The following LMNTD1 variants were observed in gnomAD, a reference collection of about 807,000 sequenced individuals.
LMNTD1 encodes lamin tail domain-containing protein 1.
A neutral mutation model predicts 50.9 loss-of-function variants in LMNTD1; 35 were observed. That is an observed-to-expected ratio of 0.69 (90% CI 0.53 to 0.91). The LOEUF (loss-of-function observed/expected upper bound fraction) is 0.91. LMNTD1 is among the 40% of genes least tolerant of loss of function. LMNTD1 has a pLI of 0.00. For missense variants in LMNTD1, 470 were observed against 475.5 expected, an observed-to-expected ratio of 0.99 and a Z score of 0.11; for synonymous variants, 153 against 161.9, an observed-to-expected ratio of 0.94 and a Z score of 0.42.
intron 4 of LMNTD1, among the ~76,000 whole-genome samples, chr12:25,537,509 G>T (rs10842574): frequency 0.61 from 92,883 of 151,138 alleles, 29,821 homozygotes; most frequent in Non-Finnish European, 0.71. Flanking sequence ...TGCAGCTGAG[G>T]GTCCTGTCTG....
chr12:25,543,422 A>AC (rs1392886380), intron 4 of LMNTD1, among the ~76,000 whole-genome samples: 2 of 152,168 alleles, frequency 1.3e-5, no homozygotes, highest in East Asian at 3.9e-4. Flanking sequence ...AAACATTATG[A>AC]CCAAATATTT....
intron 1 of LMNTD1, among the ~76,000 whole-genome samples, chr12:25,648,331 T>G (rs957208317): frequency 2.0e-5 from 3 of 152,236 alleles, no homozygotes; most frequent in African/African-American, 7.2e-5. Context: ...CATGCCATTT[T>G]TATTACTTTA....
At chr12:25,576,904 A>T (rs912762838) in intron 1 of LMNTD1, among the ~76,000 whole-genome samples, 1 of 152,104 alleles carries the variant, frequency 6.6e-6, no homozygotes, top group Non-Finnish European at 1.5e-5. Flanking sequence ...TCAGCTTTCT[A>T]CATATGGCTA....
At chr12:25,514,715 A>C (rs1678559) in intron 8 of LMNTD1, among the ~76,000 whole-genome samples, 113,238 of 152,022 alleles carry the variant, frequency 0.74, 43,042 homozygotes, top group East Asian at 0.91. Context: ...GGAACGGATA[A>C]TCCCCAAAAA....
chr12:25,536,167 TACA>T (rs1453834040), intron 4 of LMNTD1, among the ~76,000 whole-genome samples: 14 of 152,084 alleles, frequency 9.2e-5, no homozygotes, highest in Non-Finnish European at 1.6e-4. Context: ...CAATAATTGA[TACA>T]ACAAGTAGAC....
chr12:25,625,207 T>C (rs1335589327), intron 1 of LMNTD1, among the ~76,000 whole-genome samples: 3 of 152,210 alleles, frequency 2.0e-5, no homozygotes, highest in Non-Finnish European at 4.4e-5. Context: ...TGACTATGAT[T>C]TCACACGACC....
intron 4 of LMNTD1, among the ~76,000 whole-genome samples, chr12:25,533,279 A>G (rs1428516167): frequency 6.6e-6 from 1 of 152,144 alleles, no homozygotes; most frequent in South Asian, 2.1e-4. Context: ...TTTAATAGGA[A>G]AGTGACCTGA....
At chr12:25,625,270 T>A (rs892877129) in intron 1 of LMNTD1, among the ~76,000 whole-genome samples, 1 of 152,158 alleles carries the variant, frequency 6.6e-6, no homozygotes, top group African/African-American at 2.4e-5. Context: ...TCCTGCCTCA[T>A]CCTTGGTTTC....
At chr12:25,579,547 C>A (rs987080098) in intron 1 of LMNTD1, among the ~76,000 whole-genome samples, 4 of 152,124 alleles carry the variant, frequency 2.6e-5, no homozygotes, top group Non-Finnish European at 5.9e-5. Flanking sequence ...TATCAGTTAT[C>A]TATAATAATA....
chr12:25,648,543 C>T lies in LMNTD1; in HGVS notation c.9G>A (p.Gln3=), dbSNP rs1027221837. 5 of 1,551,516 alleles carry T rather than the reference C, an allele frequency of 3.2e-6. No homozygotes were observed. In the East Asian group the frequency reaches 1.2e-4, roughly 38 times the overall value. Residue 3 remains glutamine (Q), a synonymous_variant, in exon 1 of 8, where the codon CAG becomes CAA. Coordinates refer to the LMNTD1 transcript ENST00000445693. The stretch of plus-strand genomic sequence containing the variant: ...CACCGATGTCTCCTGCTCTCACTGG[C>T]TGTTGCATGTAGTGTCCTTAAGCTT...
chr12:25,613,762 G>A (rs1946295716), intron 1 of LMNTD1, among the ~76,000 whole-genome samples: 8 of 152,026 alleles, frequency 5.3e-5, no homozygotes. Context: ...CATAGGAAAA[G>A]TAAACATTGG....
chr12:25,480,215 G>A (rs1403273343), intron 9 of LMNTD1, among the ~76,000 whole-genome samples: 2 of 152,286 alleles, frequency 1.3e-5, no homozygotes, highest in Middle Eastern at 3.4e-3. Flanking sequence ...ATGGTTGTAT[G>A]GTTTGTGCAG....
chr12:25,618,088 C>G (rs998326004), intron 1 of LMNTD1, among the ~76,000 whole-genome samples: 4 of 152,116 alleles, frequency 2.6e-5, no homozygotes, highest in Non-Finnish European at 5.9e-5. Flanking sequence ...CCAATCTCTA[C>G]TTTTTCTGAC....
upstream of LMNTD1, among the ~76,000 whole-genome samples, chr12:25,558,229 CTTTTTGTTTTATTGATCT>C (rs1944121526): frequency 1.3e-5 from 2 of 152,060 alleles, no homozygotes; most frequent in South Asian, 4.1e-4. Flanking sequence ...AAAAAACCAA[CTTTTTGTTTTATTGATCT>C]TTTGTATTGT....
At chr12:25,482,010 C>T (rs918552817) in intron 9 of LMNTD1, among the ~76,000 whole-genome samples, 4 of 151,542 alleles carry the variant, frequency 2.6e-5, no homozygotes, top group Non-Finnish European at 5.9e-5. Context: ...GCAGTATTTT[C>T]CTTCCCTTGT....
chr12:25,561,524 G>T (rs1171454621), intron 1 of LMNTD1, among the ~76,000 whole-genome samples: 7 of 152,160 alleles, frequency 4.6e-5, no homozygotes, highest in African/African-American at 1.4e-4. Context: ...TATAATTTCT[G>T]TTCTTTTACA....
intron 1 of LMNTD1, among the ~76,000 whole-genome samples, chr12:25,575,689 C>CTT (rs3035947): frequency 0.17 from 25,177 of 150,800 alleles, 2,494 homozygotes; most frequent in East Asian, 0.35. Context: ...GCTCTATTTT[C>CTT]TTTTTTTTTA....
chr12:25,505,886 T>C (rs1206767394), intron 8 of LMNTD1, among the ~76,000 whole-genome samples: 1 of 152,210 alleles, frequency 6.6e-6, no homozygotes, highest in African/African-American at 2.4e-5. Context: ...TAATATTGAC[T>C]AATACTCTGC....
intron 8 of LMNTD1, among the ~76,000 whole-genome samples, chr12:25,509,258 C>T (rs1225078063): frequency 6.6e-6 from 1 of 152,100 alleles, no homozygotes; most frequent in African/African-American, 2.4e-5. Flanking sequence ...CAGGTGCACA[C>T]CACCATGCTC....
Sources: allele counts gnomAD v4.1 joint callset (sites outside exome capture counted in the v4.1 genomes callset), GRCh38; gene constraint gnomAD v4.1.1; transcripts MANE v1.5; gene names NCBI Gene and HGNC (gene_info 2026-07-23, HGNC 2026-07-21).